Variants in NHSL2 observed in about 807,000 individuals in gnomAD.
The protein encoded by NHSL2 is NHS-like protein 2.
A neutral mutation model predicts 53.4 loss-of-function variants in NHSL2; 27 were observed. That is an observed-to-expected ratio of 0.51 (90% CI 0.37 to 0.70). The LOEUF (loss-of-function observed/expected upper bound fraction) is 0.70. Among genes scored for constraint, NHSL2 ranks in the 30% least tolerant of loss-of-function variants. The pLI, the probability that NHSL2 is intolerant of heterozygous loss-of-function variation, is 0.00. For missense variants in NHSL2, 892 were observed against 980.1 expected, an observed-to-expected ratio of 0.91 and a Z score of 1.20; for synonymous variants, 408 against 404.1, an observed-to-expected ratio of 1.01 and a Z score of -0.12.
intron 1 of NHSL2, among the ~76,000 whole-genome samples, chrX:71,981,329 T>G (rs1200411834): frequency 9.0e-6 from 1 of 111,638 alleles, no homozygotes; most frequent in Non-Finnish European, 1.9e-5. Flanking sequence ...GTGGATCACT[T>G]GAGGTCAGGA....
At chrX:71,917,726 C>T (rs1211377044) in intron 1 of NHSL2, among the ~76,000 whole-genome samples, 1 of 111,031 alleles carries the variant, frequency 9.0e-6, no homozygotes, top group Non-Finnish European at 1.9e-5. Context: ...TGGAGCTGGC[C>T]GTTGAAGGTT....
At chrX:72,098,733 C>CGTTT (rs2041966001) in intron 1 of NHSL2, among the ~76,000 whole-genome samples, 1 of 110,916 alleles carries the variant, frequency 9.0e-6, no homozygotes, top group Non-Finnish European at 1.9e-5. Flanking sequence ...GTTACGTAAA[C>CGTTT]CATTATATGT....
intron 1 of NHSL2, among the ~76,000 whole-genome samples, chrX:71,985,335 A>G (rs1015691261): frequency 4.5e-5 from 5 of 111,502 alleles, no homozygotes; most frequent in African/African-American, 1.6e-4. Flanking sequence ...ACAAGGTATG[A>G]GGCCAGTTTC....
chrX:71,958,415 C>A (rs187657788), intron 1 of NHSL2, among the ~76,000 whole-genome samples: 14 of 111,690 alleles, frequency 1.3e-4, no homozygotes, highest in Middle Eastern at 9.2e-3. Context: ...TATCTGGGAA[C>A]AATAAAGGTC....
At chrX:71,934,272 T>C (rs1285321411) in intron 1 of NHSL2, among the ~76,000 whole-genome samples, 1 of 112,301 alleles carries the variant, frequency 8.9e-6, no homozygotes, top group African/African-American at 3.2e-5. Context: ...CTGAACATTG[T>C]ACTTCACTCA....
chrX:71,997,734 T>A (rs1373849084), intron 1 of NHSL2, among the ~76,000 whole-genome samples: 1 of 111,683 alleles, frequency 9.0e-6, no homozygotes, highest in Non-Finnish European at 1.9e-5. Flanking sequence ...AAGGCTGTTT[T>A]CAGATTAAGT....
rs10126505 is a variant in NHSL2, at chrX:72,072,607, T to G, written c.281-59472T>G. Among the ~76,000 whole-genome samples, 842 of 111,998 alleles carry G rather than the reference T, an allele frequency of 7.5e-3. 8 individuals carry two copies. Among genetic ancestry groups the G allele is most frequent in the African/African-American group, 0.026 (797 of 30,796 alleles). ...TGCCTGGAACACCTCCTCCACCTGC[T>G]ATCTTCTCCTGACAGTTTTCTCTTC... On this transcript the variant is annotated intron_variant, in intron 1 of 7. Transcript: ENST00000633930.
chrX:72,069,263 C>T (rs764481886), intron 1 of NHSL2, among the ~76,000 whole-genome samples: 54 of 110,910 alleles, frequency 4.9e-4, no homozygotes, highest in African/African-American at 1.4e-3. Context: ...AGTCGGGTCC[C>T]GGGGGGTGCC....
intron 1 of NHSL2, among the ~76,000 whole-genome samples, chrX:71,914,871 G>A (rs1569462089): frequency 9.1e-6 from 1 of 110,265 alleles, no homozygotes; most frequent in Non-Finnish European, 1.9e-5. Flanking sequence ...ATGGAGTGGG[G>A]AGGGTGGCAG....
chrX:71,989,555 G>T (rs1022917967), intron 1 of NHSL2, among the ~76,000 whole-genome samples: 16 of 111,367 alleles, frequency 1.4e-4, no homozygotes, highest in African/African-American at 5.2e-4. Flanking sequence ...GAGATTTGAA[G>T]CAAAGTTGAA....
intron 1 of NHSL2, chrX:72,130,385 C>A (rs1416639811): frequency 7.7e-6 from 9 of 1,172,550 alleles, no homozygotes; most frequent in Non-Finnish European, 1.0e-5. Flanking sequence ...TTCTTCATTT[C>A]TTCCTCCTTC....
At chrX:71,968,145 C>T (rs934733812) in intron 1 of NHSL2, among the ~76,000 whole-genome samples, 3 of 109,509 alleles carry the variant, frequency 2.7e-5, no homozygotes, top group African/African-American at 1.0e-4. Context: ...CACAGGCACA[C>T]ACCACCATGC....
chrX:72,104,868 G>A (rs2042025784), intron 1 of NHSL2, among the ~76,000 whole-genome samples: 1 of 111,372 alleles, frequency 9.0e-6, no homozygotes, highest in South Asian at 3.8e-4. Context: ...GAAAAGGCAG[G>A]GAGAGAAAAG....
chrX:71,927,811 T>C (rs1249068284), intron 1 of NHSL2, among the ~76,000 whole-genome samples: 1 of 111,640 alleles, frequency 9.0e-6, no homozygotes, highest in African/African-American at 3.3e-5. Context: ...CACCCGCCTC[T>C]GCCTCCCAAA....
chrX:72,048,987 G>GAGGAGAAGAAGGAGT (rs1482632182), intron 1 of NHSL2, among the ~76,000 whole-genome samples: 3 of 35,541 alleles, frequency 8.4e-5, no homozygotes, highest in Middle Eastern at 0.022. Context: ...GAAGAAGGAG[G>GAGGAGAAGAAGGAGT]AGAAGAAGAA....
At chrX:72,129,898 G>A (rs2042267180) in intron 1 of NHSL2, 2 of 1,210,532 alleles carry the variant, frequency 1.7e-6, no homozygotes, top group East Asian at 5.9e-5. Flanking sequence ...GAAAAGCACA[G>A]GGGGGCGTCT....
intron 1 of NHSL2, among the ~76,000 whole-genome samples, chrX:72,066,583 AGAG>A (rs2042431176): frequency 9.0e-6 from 1 of 111,438 alleles, no homozygotes; most frequent in East Asian, 2.8e-4. Context: ...TCAGATGAGA[AGAG>A]GAGAAGAGTG....
chrX:71,930,759 T>A (rs2041708971), intron 1 of NHSL2, among the ~76,000 whole-genome samples: 1 of 112,884 alleles, frequency 8.9e-6, no homozygotes, highest in South Asian at 3.6e-4. Context: ...TTCCATTGTA[T>A]GGATGGACCA....
At chrX:72,088,392 T>C (rs1004537671) in intron 1 of NHSL2, among the ~76,000 whole-genome samples, 2 of 112,576 alleles carry the variant, frequency 1.8e-5, no homozygotes, top group Admixed American at 1.9e-4. Context: ...CTTTACCGAG[T>C]CTGGAACTTA....
Sources: gnomAD v4.1 joint callset for allele counts (sites outside exome capture counted in the v4.1 genomes callset) on GRCh38, gnomAD v4.1.1 for gene constraint, MANE v1.5 for transcripts, NCBI Gene and HGNC (gene_info 2026-07-23, HGNC 2026-07-21) for gene names.